The following TNIK variants were observed in gnomAD, a reference collection of about 807,000 sequenced individuals.
TNIK encodes TRAF2 and NCK interacting kinase.
A neutral mutation model predicts 191.3 loss-of-function variants in TNIK; 49 were observed. That is an observed-to-expected ratio of 0.26 (90% confidence interval 0.20 to 0.32). The LOEUF (loss-of-function observed/expected upper bound fraction) is 0.32. TNIK is among the 10% of genes least tolerant of loss of function. The pLI, the probability that TNIK is intolerant of heterozygous loss-of-function variation, is 1.00. For synonymous variants in TNIK, 594 were observed against 600.9 expected (o/e 0.99, Z 0.17); for missense variants, 1,155 against 1,702.3 (o/e 0.68, Z 5.66).
chr3:171,180,338 C>A (rs1406714508), intron 7 of TNIK, among the ~76,000 whole-genome samples: 2 of 152,082 alleles, frequency 1.3e-5, no homozygotes, highest in Non-Finnish European at 2.9e-5. Flanking sequence ...ACTGCTCATG[C>A]CCCTTCCCCA....
intron 2 of TNIK, among the ~76,000 whole-genome samples, chr3:171,320,284 T>A (rs1285529035): frequency 6.6e-6 from 1 of 152,212 alleles, no homozygotes; most frequent in Non-Finnish European, 1.5e-5. Context: ...TATTCTAATG[T>A]GTCTTGCCCT....
intron 1 of TNIK, among the ~76,000 whole-genome samples, chr3:171,391,016 A>G (rs1414325299): frequency 6.6e-6 from 1 of 152,188 alleles, no homozygotes; most frequent in African/African-American, 2.4e-5. Context: ...TCCATTTCAT[A>G]ACAGAATAAA....
intron 2 of TNIK, among the ~76,000 whole-genome samples, chr3:171,288,166 G>T (rs1751235304): frequency 8.2e-6 from 1 of 121,610 alleles, no homozygotes; most frequent in African/African-American, 3.2e-5. Context: ...TGGGGACTGT[G>T]GTGGGGAGGG....
intron 1 of TNIK, among the ~76,000 whole-genome samples, chr3:171,382,511 G>A (rs374955258): frequency 1.3e-5 from 2 of 152,106 alleles, no homozygotes; most frequent in Non-Finnish European, 2.9e-5. Flanking sequence ...ATGAGCCACC[G>A]TGCCCGGCCT....
chr3:171,089,319 C>T (rs532356436), intron 23 of TNIK, among the ~76,000 whole-genome samples: 1 of 152,268 alleles, frequency 6.6e-6, no homozygotes, highest in East Asian at 1.9e-4. Flanking sequence ...GAAATTCAGT[C>T]CTAATACATC....
chr3:171,206,421 GCAA>G (rs1227505508), intron 4 of TNIK, among the ~76,000 whole-genome samples: 1 of 150,700 alleles, frequency 6.6e-6, no homozygotes, highest in Non-Finnish European at 1.5e-5. Flanking sequence ...TTGGTTCCCA[GCAA>G]CAACAGCCAT....
At chr3:171,375,071 C>G (rs1049445378) in intron 1 of TNIK, among the ~76,000 whole-genome samples, 1 of 152,206 alleles carries the variant, frequency 6.6e-6, no homozygotes, top group African/African-American at 2.4e-5. Context: ...CACCTGGTAG[C>G]TCTCTAACCT....
At chr3:171,096,788 C>T (rs981492388) in intron 22 of TNIK, among the ~76,000 whole-genome samples, 2 of 152,146 alleles carry the variant, frequency 1.3e-5, no homozygotes, top group Non-Finnish European at 2.9e-5. Flanking sequence ...AGCATGGTGC[C>T]TGGAATGCAG....
At chr3:171,361,958 G>A (rs991735725) in intron 2 of TNIK, among the ~76,000 whole-genome samples, 26 of 152,042 alleles carry the variant, frequency 1.7e-4, no homozygotes, top group African/African-American at 5.8e-4. Context: ...GCAAGTTAAG[G>A]GTAGAACCAA....
At chr3:171,146,360 C>T (rs1489613830) in intron 12 of TNIK, among the ~76,000 whole-genome samples, 2 of 152,194 alleles carry the variant, frequency 1.3e-5, no homozygotes, top group African/African-American at 4.8e-5. Context: ...AAATGAGAAA[C>T]AAATCTTGGC....
intron 3 of TNIK, among the ~76,000 whole-genome samples, chr3:171,219,713 C>T (rs1317379108): frequency 6.6e-6 from 1 of 152,030 alleles, no homozygotes; most frequent in Non-Finnish European, 1.5e-5. Context: ...TGCCAGTTAG[C>T]ATGACGATCA....
intron 2 of TNIK, among the ~76,000 whole-genome samples, chr3:171,230,951 T>C (rs2108998933): frequency 6.6e-6 from 1 of 150,792 alleles, no homozygotes; most frequent in African/African-American, 2.4e-5. Context: ...TCTAGTCTGC[T>C]CTGCCTCCCG....
intron 2 of TNIK, among the ~76,000 whole-genome samples, chr3:171,237,066 G>A (rs1210956741): frequency 6.6e-6 from 1 of 152,170 alleles, no homozygotes; most frequent in Non-Finnish European, 1.5e-5. Context: ...TGCAGCAGCA[G>A]CAGGAGCAGT....
intron 2 of TNIK, among the ~76,000 whole-genome samples, chr3:171,284,674 C>A (rs2108210819): frequency 6.6e-6 from 1 of 152,222 alleles, no homozygotes; most frequent in East Asian, 1.9e-4. Context: ...CAAAGAAATC[C>A]TTTTGCCTTT....
chr3:171,294,127 G>T (rs1006463968), intron 2 of TNIK, among the ~76,000 whole-genome samples: 3 of 152,182 alleles, frequency 2.0e-5, no homozygotes, highest in Non-Finnish European at 4.4e-5. Context: ...TACTCAGGAG[G>T]CTGAGGCAGG....
intron 2 of TNIK, among the ~76,000 whole-genome samples, chr3:171,260,024 AC>A (rs1747393541): frequency 6.6e-6 from 1 of 152,120 alleles, no homozygotes; most frequent in African/African-American, 2.4e-5. Flanking sequence ...TAGCAAAAGA[AC>A]CCTGCTAAGT....
intron 23 of TNIK, among the ~76,000 whole-genome samples, chr3:171,089,444 T>C (rs1044946589): frequency 6.6e-6 from 1 of 152,216 alleles, no homozygotes; most frequent in Non-Finnish European, 1.5e-5. Flanking sequence ...ATAAATCACA[T>C]GTCATCTCTT....
At chr3:171,074,208 T>C (rs186205330) in intron 28 of TNIK, among the ~76,000 whole-genome samples, 1 of 152,204 alleles carries the variant, frequency 6.6e-6, no homozygotes, top group Admixed American at 6.5e-5. Context: ...AATCGTGCCC[T>C]TGGCAGCAAC....
intron 1 of TNIK, among the ~76,000 whole-genome samples, chr3:171,458,492 G>A (rs756901816): frequency 1.3e-5 from 2 of 152,148 alleles, no homozygotes; most frequent in South Asian, 2.1e-4. Flanking sequence ...TACTTGCCTT[G>A]CTGAAACCTC....
Sources: allele counts gnomAD v4.1 joint callset (sites outside exome capture counted in the v4.1 genomes callset), GRCh38; gene constraint gnomAD v4.1.1; transcripts MANE v1.5; gene names NCBI Gene and HGNC (gene_info 2026-07-23, HGNC 2026-07-21).